The following CACNB4 variants were observed in gnomAD, a reference collection of about 807,000 sequenced individuals.
CACNB4 encodes calcium voltage-gated channel auxiliary subunit beta 4.
In CACNB4, 32 loss-of-function variants were observed where a neutral mutation model predicts 71.2. The observed-to-expected ratio is 0.45, with a 90% CI of 0.34 to 0.60. CACNB4 has a LOEUF of 0.60. Among genes scored for constraint, CACNB4 ranks in the 20% least tolerant of loss-of-function variants. CACNB4 has a pLI of 0.01. For synonymous variants in CACNB4, 231 were observed against 236.9 expected, an observed-to-expected ratio of 0.97 and a Z score of 0.23; for missense variants, 464 against 647.9, an observed-to-expected ratio of 0.72 and a Z score of 3.08.
intron 12 of CACNB4, chr2:151,852,977 C>A (rs2151351230): frequency 6.6e-6 from 1 of 152,534 alleles, no homozygotes. Flanking sequence ...CGTTTTTCAT[C>A]TGACTCAGCC....
At chr2:152,027,902 CT>C (rs1684067900) in intron 2 of CACNB4, among the ~76,000 whole-genome samples, 1 of 149,470 alleles carries the variant, frequency 6.7e-6, no homozygotes, top group Non-Finnish European at 1.5e-5. Flanking sequence ...CCTTGAGGCT[CT>C]CAAGCCATTT....
At chr2:152,071,848 T>C (rs559345916) in intron 2 of CACNB4, among the ~76,000 whole-genome samples, 102 of 152,310 alleles carry the variant, frequency 6.7e-4, no homozygotes, top group Non-Finnish European at 1.2e-3. Context: ...ATAGTGCAAA[T>C]ATACCAGAGC....
At chr2:151,987,345 CT>C (rs1313514968) in intron 2 of CACNB4, among the ~76,000 whole-genome samples, 1 of 152,120 alleles carries the variant, frequency 6.6e-6, no homozygotes, top group African/African-American at 2.4e-5. Flanking sequence ...ACTACAATCT[CT>C]GGGCTTGGTT....
chr2:152,018,528 C>T (rs1359028502), intron 2 of CACNB4, among the ~76,000 whole-genome samples: 1 of 152,034 alleles, frequency 6.6e-6, no homozygotes, highest in Non-Finnish European at 1.5e-5. Flanking sequence ...AAAGGTCAAG[C>T]ACAGTGGTTC....
chr2:152,069,837 CTTT>C (rs70974819), intron 2 of CACNB4, among the ~76,000 whole-genome samples: 4 of 98,694 alleles, frequency 4.1e-5, no homozygotes, highest in African/African-American at 4.3e-5. Flanking sequence ...CTTCATCAAT[CTTT>C]TTTTTTTTTT....
chr2:152,057,173 A>G (rs1464933525), intron 2 of CACNB4, among the ~76,000 whole-genome samples: 2 of 152,202 alleles, frequency 1.3e-5, no homozygotes, highest in Non-Finnish European at 2.9e-5. Flanking sequence ...TCTCCTGTCA[A>G]CAGCCAGCAA....
At chr2:152,060,591 A>G (rs962486976) in intron 2 of CACNB4, among the ~76,000 whole-genome samples, 1 of 152,212 alleles carries the variant, frequency 6.6e-6, no homozygotes, top group African/African-American at 2.4e-5. Context: ...AGCAGTGTAC[A>G]TTAGATTTTC....
intron 2 of CACNB4, among the ~76,000 whole-genome samples, chr2:152,001,269 G>C (rs1682384419): frequency 1.3e-5 from 2 of 152,096 alleles, no homozygotes; most frequent in Non-Finnish European, 2.9e-5. Context: ...GGTGGAAGGA[G>C]AGGGCAGCAA....
Position 151,838,619 on chromosome 2 carries a change from C to A in CACNB4, c.*500G>T, listed in dbSNP as rs2099835412. 6.6e-6 allele frequency: 1 copy of A among 152,058 alleles called. No individual in the cohort carries two copies. Among genetic ancestry groups the A allele is most frequent in the Non-Finnish European group, 1.5e-5 (1 of 67,978 alleles). The allele number at this position is 152,058 out of a possible 1,614,324, so 9.4% of individuals were successfully genotyped here. A position where few individuals can be genotyped will look rare whatever the true frequency, so the allele number is the denominator to read the frequency against. ...AAATTTAGCTTCCAGCAAATAAATA[C>A]CAAAGCTGGATTTGGCTTCTATTGG... is the stretch of plus-strand genomic sequence containing the variant. On this transcript the variant is annotated 3_prime_UTR_variant, in exon 14 of 14. Coordinates refer to ENST00000539935, the MANE Select transcript of CACNB4 (RefSeq NM_000726.5).
Position 152,047,180 on chromosome 2 carries a change from A to G in CACNB4, c.147+51150T>C, listed in dbSNP as rs1015307333. Among the ~76,000 whole-genome samples, 9 of 152,232 alleles carry G rather than the reference A, an allele frequency of 5.9e-5. No individual in the cohort carries two copies. In the South Asian group the frequency reaches 1.2e-3, roughly 21 times the overall value. ...AGACTCACGAGATGCTTGGTTCCCTATAGAAACTAAAAATAACATCTTGAC... is the reference window on the plus strand; with the variant it reads ...AGACTCACGAGATGCTTGGTTCCCTGTAGAAACTAAAAATAACATCTTGAC... On this transcript the variant is annotated intron_variant, in intron 2 of 13. Transcript: ENST00000539935.
chr2:151,852,462 C>G (rs1199127381), intron 12 of CACNB4: 1 of 152,184 alleles, frequency 6.6e-6, no homozygotes, highest in Non-Finnish European at 1.5e-5. Context: ...TGACGTCACA[C>G]AAAGTGTATC....
At chr2:152,011,521 C>G (rs1468477416) in intron 2 of CACNB4, among the ~76,000 whole-genome samples, 1 of 152,198 alleles carries the variant, frequency 6.6e-6, no homozygotes, top group Non-Finnish European at 1.5e-5. Flanking sequence ...TCATAGAACC[C>G]TGCCGTCCCA....
rs560180360 is a variant in CACNB4 at position 151,988,060 on chromosome 2, A to C, written c.148-104690T>G. Among the ~76,000 whole-genome samples the C allele has an allele frequency of 3.7e-4, 56 of 152,362 alleles. No homozygotes were observed. In the Middle Eastern group the frequency reaches 0.01, roughly 28 times the overall value. On this transcript the variant is annotated intron_variant, in intron 2 of 13. Coordinates refer to ENST00000539935, the MANE Select transcript of CACNB4 (RefSeq NM_000726.5). ...CTGAAATACTTTTTTTAAGATCTGA[A>C]GCTTAAGATGAAAACACATTGTTAA...
At chr2:151,902,852 T>C (rs1207219557) in intron 2 of CACNB4, among the ~76,000 whole-genome samples, 1 of 152,178 alleles carries the variant, frequency 6.6e-6, no homozygotes. Flanking sequence ...GTGCAATGAA[T>C]GAAAATTTCC....
intron 3 of CACNB4, chr2:151,882,931 C>T (rs2099848339): frequency 5.4e-6 from 2 of 373,454 alleles, no homozygotes; most frequent in Non-Finnish European, 1.0e-5. Flanking sequence ...GAGGAGGGGC[C>T]AGGAATAGGC....
chr2:152,033,314 G>A (rs1342811407), intron 2 of CACNB4, among the ~76,000 whole-genome samples: 1 of 152,030 alleles, frequency 6.6e-6, no homozygotes, highest in East Asian at 1.9e-4. Flanking sequence ...GTGTAGACGG[G>A]CTGCCACCAC....
intron 2 of CACNB4, among the ~76,000 whole-genome samples, chr2:151,942,155 C>G (rs1453994344): frequency 7.0e-6 from 1 of 142,546 alleles, no homozygotes; most frequent in Non-Finnish European, 1.5e-5. Flanking sequence ...GGATGCCTAC[C>G]ACTGTAACAA....
rs1246786572 is a variant in CACNB4 at position 151,834,269 on chromosome 2, T to G, written c.*4850A>C. ...ATTCTCCCAAACCACTCTAAATTCA[T>G]TAGTAACATTTTCTACCATCCTTCT... is the stretch of plus-strand genomic sequence containing the variant. On this transcript the variant is annotated 3_prime_UTR_variant, in exon 14 of 14. Transcript: ENST00000539935. 6.6e-6 allele frequency: 1 copy of G among 152,006 alleles called. No homozygotes were observed. Among genetic ancestry groups the G allele is most frequent in the East Asian group, 1.9e-4 (1 of 5,200 alleles). The allele number at this position is 152,006 out of a possible 1,614,324, so 9.4% of individuals were successfully genotyped here.
intron 2 of CACNB4, among the ~76,000 whole-genome samples, chr2:152,010,563 T>C (rs1226857730): frequency 6.6e-6 from 1 of 152,264 alleles, no homozygotes; most frequent in African/African-American, 2.4e-5. Context: ...ACACATGTCA[T>C]TGCCTTATTG....
Sources: allele counts gnomAD v4.1 joint callset (sites outside exome capture counted in the v4.1 genomes callset), GRCh38; gene constraint gnomAD v4.1.1; transcripts MANE v1.5; gene names NCBI Gene and HGNC (gene_info 2026-07-23, HGNC 2026-07-21).